Variants in SNTB2 observed in about 807,000 individuals in gnomAD.
SNTB2 encodes beta-2-syntrophin.
SNTB2 carries 34 observed loss-of-function variants against 46.2 expected under a neutral mutation model. The ratio of observed to expected loss-of-function variants is 0.74; its 90% CI spans 0.56 to 0.98. The LOEUF is 0.98. Ranked by LOEUF, SNTB2 falls within the 50% of genes least tolerant of loss-of-function variation. The probability of loss-of-function intolerance (pLI) is 0.00; values close to 1 mark genes in which losing one functional copy is unlikely to be tolerated. For synonymous variants in SNTB2, 290 were observed against 312.6 expected, an observed-to-expected ratio of 0.93 and a Z score of 0.76; for missense variants, 603 against 731.4, an observed-to-expected ratio of 0.82 and a Z score of 2.02.
intron 1 of SNTB2, among the ~76,000 whole-genome samples, chr16:69,209,809 A>G (rs1428617075): frequency 2.0e-5 from 3 of 152,144 alleles, no homozygotes; most frequent in Non-Finnish European, 4.4e-5. Flanking sequence ...TATAGTACAA[A>G]GATACCTTTT....
chr16:69,192,407 G>A (rs1037467721), intron 1 of SNTB2, among the ~76,000 whole-genome samples: 1 of 152,192 alleles, frequency 6.6e-6, no homozygotes, highest in Non-Finnish European at 1.5e-5. Context: ...GTTTATCAGT[G>A]GAAAAGTGAA....
At chr16:69,235,830 T>C in intron 1 of SNTB2, 1 of 1,289,310 alleles carries the variant, frequency 7.8e-7, no homozygotes, top group Non-Finnish European at 1.0e-6. Context: ...ATCCTGGAAT[T>C]GTGGTGAGTT....
rs188778128 is a variant in SNTB2, at chr16:69,197,595, G to T, written c.580+9849G>T. On this transcript the variant is annotated intron_variant, in intron 1 of 6. Coordinates refer to ENST00000336278, the MANE Select transcript of SNTB2 (RefSeq NM_006750.4). ...ATTCTAGCCAAACTTTTTTGTTACT[G>T]CTTTTACTTTTGATATATTACTATG... is the stretch of plus-strand genomic sequence containing the variant. Among the ~76,000 whole-genome samples, 32 of 152,030 alleles carry T rather than the reference G, an allele frequency of 2.1e-4. No homozygotes were observed. The East Asian group carries it at 3.1e-3, about 15-fold the overall frequency.
At position 69,187,337 on chromosome 16, in the gene SNTB2, CGAGCT is replaced by C; in HGVS notation, c.173_177del (p.Glu58GlyfsTer47). 6.9e-7 allele frequency: 1 copy of C among 1,443,372 alleles called. No homozygotes were observed. Among genetic ancestry groups the C allele is most frequent in the Non-Finnish European group, 9.1e-7 (1 of 1,099,768 alleles). The allele number at this position is 1,443,372 out of a possible 1,614,324, so 89.4% of individuals were successfully genotyped here. A position where few individuals can be genotyped will look rare whatever the true frequency, so the allele number is the denominator to read the frequency against. ...GCCTGACGGGCGACGCCGCCGCGGC[CGAGCT>C]GGAGCCCGCTCTGGGACCCGCGGCC... On this transcript the variant is annotated frameshift_variant, in exon 1 of 7. Coordinates refer to ENST00000336278, the MANE Select transcript of SNTB2 (RefSeq NM_006750.4). LOFTEE classifies it high-confidence loss of function.
intron 2 of SNTB2, among the ~76,000 whole-genome samples, chr16:69,253,366 C>G (rs1285285804): frequency 6.6e-6 from 1 of 151,784 alleles, no homozygotes; most frequent in Non-Finnish European, 1.5e-5. Context: ...AACTGGTTAA[C>G]TGGCCGGGCG....
intron 1 of SNTB2, among the ~76,000 whole-genome samples, chr16:69,209,620 T>C (rs562190367): frequency 6.6e-6 from 1 of 152,228 alleles, no homozygotes; most frequent in Non-Finnish European, 1.5e-5. Context: ...GGAAATACTT[T>C]AAACAGTTTT....
chr16:69,283,448 T>G (rs1433446609), intron 4 of SNTB2, among the ~76,000 whole-genome samples: 1 of 152,236 alleles, frequency 6.6e-6, no homozygotes, highest in Non-Finnish European at 1.5e-5. Flanking sequence ...ATGTTCACTG[T>G]GCTTCTTTAC....
chr16:69,245,441 C>T (rs548575828), intron 1 of SNTB2, among the ~76,000 whole-genome samples, 161 bp from the exon 2 acceptor site: 12 of 152,196 alleles, frequency 7.9e-5, no homozygotes, highest in African/African-American at 1.9e-4. Context: ...GTGATCCACC[C>T]GCCTCGGCCT....
intron 1 of SNTB2, among the ~76,000 whole-genome samples, chr16:69,214,590 G>A (rs1017835359): frequency 6.6e-6 from 1 of 150,614 alleles, no homozygotes; most frequent in Non-Finnish European, 1.5e-5. Context: ...GCAGTGGCAC[G>A]ATCTTGGCTC....
intron 4 of SNTB2, 108 bp downstream of exon 4, chr16:69,270,393 T>A: frequency 7.3e-7 from 1 of 1,367,342 alleles, no homozygotes; most frequent in Non-Finnish European, 1.0e-6. Flanking sequence ...AGCATTTAAG[T>A]AGCGGATATA....
intron 1 of SNTB2, chr16:69,230,574 G>A (rs561625081): frequency 6.6e-6 from 1 of 151,758 alleles, no homozygotes; most frequent in Non-Finnish European, 1.5e-5. Flanking sequence ...TGTTGACCAA[G>A]CTGGTCTCCA....
intron 4 of SNTB2, among the ~76,000 whole-genome samples, chr16:69,278,402 G>A (rs1293012334): frequency 1.3e-5 from 2 of 151,200 alleles, no homozygotes; most frequent in African/African-American, 4.9e-5. Context: ...TGACCTTAAG[G>A]AAAATTACTT....
At chr16:69,205,073 C>T (rs1479016295) in intron 1 of SNTB2, among the ~76,000 whole-genome samples, 2 of 152,042 alleles carry the variant, frequency 1.3e-5, no homozygotes, top group Non-Finnish European at 2.9e-5. Context: ...AATTTACTTC[C>T]CTAGACTTTA....
chr16:69,258,997 C>G (rs1340198841), intron 2 of SNTB2, among the ~76,000 whole-genome samples: 1 of 151,912 alleles, frequency 6.6e-6, no homozygotes, highest in African/African-American at 2.4e-5. Flanking sequence ...TACTTTATAC[C>G]AGAATTTCCT....
At chr16:69,268,748 C>T (rs1964909706) in intron 3 of SNTB2, among the ~76,000 whole-genome samples, 1 of 149,546 alleles carries the variant, frequency 6.7e-6, no homozygotes, top group African/African-American at 2.5e-5. Context: ...ACCTATTGTC[C>T]CAGCTCCTCG....
At chr16:69,286,408 G>T (rs1965102359) in intron 5 of SNTB2, among the ~76,000 whole-genome samples, 1 of 152,126 alleles carries the variant, frequency 6.6e-6, no homozygotes, top group Non-Finnish European at 1.5e-5. Context: ...ATGAAGCTGG[G>T]TACACTGGCT....
intron 5 of SNTB2, among the ~76,000 whole-genome samples, chr16:69,291,484 G>A (rs1388806605): frequency 2.0e-5 from 3 of 152,174 alleles, no homozygotes; most frequent in Non-Finnish European, 4.4e-5. Context: ...GGCCAAGGCA[G>A]GAGGATTACT....
rs57637291 is a variant in SNTB2, at chr16:69,279,515, C to CTTTTTTT, written c.1149-4511_1149-4505dup. 3.1e-3 allele frequency among the ~76,000 whole-genome samples: 222 copies of CTTTTTTT among 71,740 alleles called. 28 individuals carry two copies. The highest frequency in any genetic ancestry group is 0.014 in the African/African-American group (201 of 14,724). 47.1% of individuals were successfully genotyped at this position (71,740 alleles called of 152,430 possible). A position where few individuals can be genotyped will look rare whatever the true frequency, so the allele number is the denominator to read the frequency against. On this transcript the variant is annotated intron_variant, in intron 4 of 6. Transcript: ENST00000336278. ...TATACCAAGAAGTGGGTCCTTTGCC[C>CTTTTTTT]TTTTTTTTTTTTTTTTTTTTTTTTT... is the stretch of plus-strand genomic sequence containing the variant.
At chr16:69,299,831 T>G in intron 6 of SNTB2, 57 bp downstream of exon 6, 12 of 1,518,252 alleles carry the variant, frequency 7.9e-6, no homozygotes, top group Non-Finnish European at 1.1e-5. Context: ...TCCTTCTCAT[T>G]ACTTCTTACC....
Sources: gnomAD v4.1 joint callset for allele counts (sites outside exome capture counted in the v4.1 genomes callset) on GRCh38, gnomAD v4.1.1 for gene constraint, MANE v1.5 for transcripts, NCBI Gene and HGNC (gene_info 2026-07-23, HGNC 2026-07-21) for gene names.